Variants in RFC3 observed in about 807,000 individuals in gnomAD.
RFC3 encodes replication factor C subunit 3, also known as A1 38 kDa subunit.
In RFC3, 41 loss-of-function variants were observed where a neutral mutation model predicts 45.1. That is an observed-to-expected ratio of 0.91 (90% CI 0.71 to 1.18). RFC3 has a LOEUF of 1.18. Among genes scored for constraint, RFC3 ranks in the 50% most tolerant of loss-of-function variants. The pLI is 0.00. For synonymous variants in RFC3, 149 were observed against 144.0 expected (o/e 1.03, Z -0.25); for missense variants, 423 against 428.1 (o/e 0.99, Z 0.10).
intron 8 of RFC3, among the ~76,000 whole-genome samples, chr13:33,952,518 G>A (rs144236410): frequency 2.1e-3 from 325 of 152,238 alleles, no homozygotes; most frequent in African/African-American, 7.0e-3. Flanking sequence ...AATATCTGTC[G>A]CACAGGAATG....
At chr13:33,963,775 C>T (rs534456765) in intron 8 of RFC3, among the ~76,000 whole-genome samples, 5 of 152,176 alleles carry the variant, frequency 3.3e-5, no homozygotes, top group South Asian at 2.1e-4. Context: ...CGTGTTATCA[C>T]GGCCAACACT....
intron 8 of RFC3, among the ~76,000 whole-genome samples, chr13:33,900,382 A>G (rs2082632537): frequency 6.6e-6 from 1 of 152,022 alleles, no homozygotes; most frequent in South Asian, 2.1e-4. Flanking sequence ...ACATGCATTT[A>G]TAGCCAACTA....
At chr13:33,861,645 CAAA>C (rs1046372339) in intron 8 of RFC3, among the ~76,000 whole-genome samples, 1 of 66,182 alleles carries the variant, frequency 1.5e-5, no homozygotes, top group African/African-American at 5.3e-5. Flanking sequence ...AACTCCATCT[CAAA>C]AAAAAAAAAA....
intron 8 of RFC3, among the ~76,000 whole-genome samples, chr13:33,917,590 G>A (rs1175394833): frequency 6.6e-6 from 1 of 152,030 alleles, no homozygotes; most frequent in Non-Finnish European, 1.5e-5. Flanking sequence ...CACATGCTGG[G>A]CAAAGCACAA....
In RFC3 at chr13:33,834,298, G is replaced by GTATATATATATATA. The variant is rs58858615; in HGVS notation, c.810-830_810-817dup. Among the ~76,000 whole-genome samples, 91 of 109,150 alleles carry GTATATATATATATA rather than the reference G, an allele frequency of 8.3e-4. 1 individual carries two copies. Among genetic ancestry groups the GTATATATATATATA allele is most frequent in the African/African-American group, 3.6e-3 (88 of 24,162 alleles). 71.6% of individuals were successfully genotyped at this position (109,150 alleles called of 152,430 possible). The stretch of plus-strand genomic sequence containing the variant: ...GAAGTATGGAACATCTGTACTGTGT[G>GTATATATATATATA]TATATATATATATATATATATATAT... On this transcript the variant is annotated intron_variant, in intron 7 of 8. Transcript: ENST00000380071.
chr13:33,939,692 T>C (rs2082911522), intron 8 of RFC3, among the ~76,000 whole-genome samples: 1 of 152,188 alleles, frequency 6.6e-6, no homozygotes, highest in Admixed American at 6.5e-5. Context: ...GGCTTGAAAC[T>C]GGTGTCGGAA....
At chr13:33,875,014 G>A (rs2082437187) in intron 8 of RFC3, among the ~76,000 whole-genome samples, 1 of 152,228 alleles carries the variant, frequency 6.6e-6, no homozygotes, top group Non-Finnish European at 1.5e-5. Flanking sequence ...AAATGCAACA[G>A]CGGATTAAGA....
At chr13:33,818,355 C>T (rs1465553177) in intron 1 of RFC3, 90 bp downstream of exon 1, 6 of 1,014,958 alleles carry the variant, frequency 5.9e-6, no homozygotes, top group South Asian at 5.4e-5. Flanking sequence ...TTCTCCCGCC[C>T]GCATTGGAAG....
intron 2 of RFC3, among the ~76,000 whole-genome samples, chr13:33,821,863 A>G (rs1454412749): frequency 6.6e-6 from 1 of 152,242 alleles, no homozygotes; most frequent in Non-Finnish European, 1.5e-5. Context: ...CTTTTCTTCT[A>G]CAACTTGTAG....
At position 33,836,283 on chromosome 13, in the gene RFC3, C is replaced by G; in HGVS notation, c.1059C>G (p.Gly353=). Residue 353 remains glycine, a synonymous_variant, in exon 9 of 9, where the codon GGC becomes GGG. Coordinates refer to ENST00000380071, the MANE Select transcript of RFC3 (RefSeq NM_002915.4). ...AGTTCATGGAGGATGGATTGGAAGG[C>G]ATGATGTTCTGACTTCTGTCAGTTA... is the stretch of plus-strand genomic sequence containing the variant. ...YKKFMEDGLE[G]MMF 6.2e-7 allele frequency: 1 copy of G among 1,612,648 alleles called. No homozygotes were observed. The highest frequency in any genetic ancestry group is 1.1e-5 in the South Asian group (1 of 90,994).
the RFC3 span, among the ~76,000 whole-genome samples, chr13:33,973,408 T>C: frequency 6.6e-6 from 1 of 152,132 alleles, no homozygotes; most frequent in Admixed American, 6.5e-5. Context: ...TCTGCCTTCA[T>C]TGAAACCGCT....
At chr13:33,828,599 A>G (rs887018433) in intron 4 of RFC3, among the ~76,000 whole-genome samples, 1 of 152,180 alleles carries the variant, frequency 6.6e-6, no homozygotes, top group Non-Finnish European at 1.5e-5. Flanking sequence ...CAGCGGTGCC[A>G]TCAGAGCTTA....
intron 8 of RFC3, among the ~76,000 whole-genome samples, chr13:33,904,146 C>T (rs569530037): frequency 1.6e-4 from 24 of 152,172 alleles, no homozygotes; most frequent in African/African-American, 5.8e-4. Context: ...ACCTTAGGGA[C>T]TTTGTCTTTC....
Position 33,874,742 on chromosome 13 carries a change from A to G in RFC3, c.879+39525A>G, listed in dbSNP as rs1262645474. Among the ~76,000 whole-genome samples the G allele has an allele frequency of 2.0e-5, 3 of 152,222 alleles. No homozygotes were observed. The East Asian group carries it at 5.8e-4, about 29-fold the overall frequency. On this transcript the variant is annotated intron_variant, in intron 8 of 8. Coordinates refer to the RFC3 transcript ENST00000434425. ...CCATGAGGAAATATATACCTGGAAA[A>G]TGACCCTCCAGATGGTAAACCTAAA...
chr13:33,853,637 G>A (rs1291339563), intron 8 of RFC3, among the ~76,000 whole-genome samples: 1 of 152,164 alleles, frequency 6.6e-6, no homozygotes, highest in African/African-American at 2.4e-5. Context: ...AGAAAGGTAC[G>A]TTGAAGATGG....
intron 8 of RFC3, chr13:33,848,613 G>A (rs2082255476): frequency 6.6e-6 from 1 of 152,046 alleles, no homozygotes; most frequent in African/African-American, 2.4e-5. Flanking sequence ...CATTTTGACA[G>A]TCATTTGTCA....
At chr13:33,897,336 A>T (rs1258614142) in intron 8 of RFC3, among the ~76,000 whole-genome samples, 2 of 152,010 alleles carry the variant, frequency 1.3e-5, no homozygotes, top group African/African-American at 4.8e-5. Context: ...AAGATAAGTC[A>T]TCAACTCTTT....
chr13:33,965,128 G>C (rs1373612642), intron 8 of RFC3, among the ~76,000 whole-genome samples: 2 of 152,168 alleles, frequency 1.3e-5, no homozygotes, highest in Admixed American at 6.6e-5. Context: ...TCTAGTTTAA[G>C]ATAATTTGTC....
intron 8 of RFC3, among the ~76,000 whole-genome samples, chr13:33,962,198 A>G (rs1435269766): frequency 2.0e-5 from 3 of 152,160 alleles, no homozygotes; most frequent in Non-Finnish European, 4.4e-5. Flanking sequence ...GCCACTTCAA[A>G]TCCTAATTTG....
Sources: allele counts gnomAD v4.1 joint callset (sites outside exome capture counted in the v4.1 genomes callset), GRCh38; gene constraint gnomAD v4.1.1; transcripts MANE v1.5; gene names NCBI Gene and HGNC (gene_info 2026-07-23, HGNC 2026-07-21).